WNK1: variants seen among roughly 807,000 people sequenced by gnomAD.
WNK1 encodes serine/threonine-protein kinase WNK1.
WNK1 carries 38 observed loss-of-function variants against 222.8 expected under a neutral mutation model. The ratio of observed to expected loss-of-function variants is 0.17; its 90% CI spans 0.13 to 0.22. WNK1 has a LOEUF of 0.22. Ranked by LOEUF, WNK1 falls within the 10% of genes least tolerant of loss-of-function variation. The pLI is 1.00. For missense variants in WNK1, 2,348 were observed against 2,918.4 expected (o/e 0.80, Z 4.50); for synonymous variants, 1,090 against 1,092.9 (o/e 1.00, Z 0.05).
chr12:881,482 A>G (rs1185379709), intron 12 of WNK1: 1 of 593,148 alleles, frequency 1.7e-6, no homozygotes, highest in African/African-American at 1.9e-5. Context: ...ACCTCATACC[A>G]TGCAGTCTAT....
intron 4 of WNK1, among the ~76,000 whole-genome samples, chr12:855,703 A>G (rs1950732422): frequency 1.3e-5 from 2 of 151,934 alleles, no homozygotes; most frequent in Admixed American, 1.3e-4. Context: ...CAGTGCTTCA[A>G]CTCTTGATCC....
At chr12:878,118 T>G in intron 9 of WNK1, 94 bp from the exon 10 acceptor site, 1 of 1,492,164 alleles carries the variant, frequency 6.7e-7, no homozygotes, top group South Asian at 1.1e-5. Context: ...TCATCATTAT[T>G]TACAGACACT....
chr12:805,527 C>T (rs1946297819), intron 1 of WNK1, among the ~76,000 whole-genome samples: 1 of 152,130 alleles, frequency 6.6e-6, no homozygotes, highest in Admixed American at 6.5e-5. Flanking sequence ...CTAATTAAAA[C>T]CTACTAAAAT....
intron 20 of WNK1, among the ~76,000 whole-genome samples, chr12:887,872 G>A (rs1953822625): frequency 6.6e-6 from 1 of 152,088 alleles, no homozygotes; most frequent in Non-Finnish European, 1.5e-5. Flanking sequence ...TCAGTGAGAT[G>A]CTAACATTAT....
At chr12:811,703 A>T (rs1946920339) in intron 1 of WNK1, among the ~76,000 whole-genome samples, 1 of 152,068 alleles carries the variant, frequency 6.6e-6, no homozygotes, top group African/African-American at 2.4e-5. Context: ...AAATGTTCCT[A>T]GATTAAAAAA....
intron 1 of WNK1, among the ~76,000 whole-genome samples, chr12:794,385 G>A (rs566605256): frequency 6.6e-6 from 1 of 152,222 alleles, no homozygotes; most frequent in African/African-American, 2.4e-5. Flanking sequence ...GCGAATGAGG[G>A]TTCCAATTTC....
At chr12:757,676 A>G (rs1279286806) in intron 1 of WNK1, among the ~76,000 whole-genome samples, 1 of 120,260 alleles carries the variant, frequency 8.3e-6, no homozygotes, top group East Asian at 2.2e-4. Context: ...CTCTATCTGC[A>G]GAGTTTACAT....
In WNK1 at chr12:827,075, A is replaced by G. The variant is rs1948416960; in HGVS notation, c.966A>G (p.Lys322=). The G allele has an allele frequency of 6.2e-7, 1 of 1,613,796 alleles. No individual in the cohort carries two copies. The change falls in exon 3 of 28, where the codon AAA becomes AAG. Residue 322 remains lysine, a synonymous_variant. Transcript: ENST00000315939. The surrounding 1 kb of genome is among the most constrained non-coding windows in gnomAD (Gnocchi z 4.6). ...YLKRFKVMKI[K]VLRSWCRQIL... ...AAAGGTTTAAAGTGATGAAGATCAA[A>G]GTTCTAAGAAGCTGGTGCCGTCAGA...
chr12:762,096 G>A (rs985947359), intron 1 of WNK1, among the ~76,000 whole-genome samples: 1 of 134,952 alleles, frequency 7.4e-6, no homozygotes, highest in African/African-American at 2.7e-5. Context: ...GTCTTGCTCT[G>A]TTGCCCAGGC....
rs72648691 is a variant in WNK1, at chr12:862,394, G to T, written c.2139+124G>T. ...TGAAGTAGAAAATATAAAATGCTGT[G>T]TCTCTAAAGCCTTATTATAGAGTAG... On this transcript the variant is annotated intron_variant, in intron 8 of 27. Transcript: ENST00000315939. 5.1e-5 allele frequency: 55 copies of T among 1,087,030 alleles called. No individual in the cohort carries two copies. In the African/African-American group the frequency reaches 5.3e-4, roughly 10 times the overall value. 67.3% of individuals were successfully genotyped at this position (1,087,030 alleles called of 1,614,324 possible).
At chr12:791,806 A>G (rs1944871385) in intron 1 of WNK1, among the ~76,000 whole-genome samples, 1 of 151,950 alleles carries the variant, frequency 6.6e-6, no homozygotes, top group East Asian at 1.9e-4. Flanking sequence ...AAATTGGGGG[A>G]TGATGTTTCT....
rs1168925132 is a variant in WNK1 at position 897,700 on chromosome 12, G to A, written c.6448+19G>A. The A allele has an allele frequency of 6.2e-7, 1 of 1,612,242 alleles. No individual in the cohort carries two copies. Among genetic ancestry groups the A allele is most frequent in the African/African-American group, 1.3e-5 (1 of 75,004 alleles). The stretch of plus-strand genomic sequence containing the variant: ...CTTTCAGGTAAAAAGCCCTGGACTA[G>A]GTCAGCCACAGCTGTCCTATCTTTT... On this transcript the variant is annotated intron_variant, in intron 25 of 27. Transcript: ENST00000315939.
At chr12:901,817 T>TA (rs536009010) in intron 26 of WNK1, among the ~76,000 whole-genome samples, 31 of 152,300 alleles carry the variant, frequency 2.0e-4, no homozygotes, top group Admixed American at 1.8e-3. Context: ...TTAATTATGA[T>TA]AAAAAATGTC....
chr12:804,359 A>G (rs1946152836), intron 1 of WNK1, among the ~76,000 whole-genome samples: 2 of 152,142 alleles, frequency 1.3e-5, no homozygotes, highest in East Asian at 1.9e-4. Context: ...CACATTTACA[A>G]TGTTGTGCAA....
At position 885,682 on chromosome 12, in the gene WNK1, G is replaced by A; in HGVS notation, c.4878G>A (p.Leu1626=). The A allele has an allele frequency of 6.2e-7, 1 of 1,614,134 alleles. No individual in the cohort carries two copies. The highest frequency in any genetic ancestry group is 8.5e-7 in the Non-Finnish European group (1 of 1,180,024). Residue 1626 remains leucine, a synonymous_variant, in exon 19 of 28, where the codon TTG becomes TTA. Coordinates refer to ENST00000315939, the MANE Select transcript of WNK1 (RefSeq NM_018979.4). ...TTCATAGTCAGCCTCAACCAGCTTT[G>A]CTTCCCAACCAGCCCCATACTCATT... ...TLIHSQPQPA[L]LPNQPHTHCP... is the part of the protein sequence containing the mutation.
At chr12:882,827 G>T in intron 14 of WNK1, 116 bp from the exon 15 acceptor site, 2 of 739,788 alleles carry the variant, frequency 2.7e-6, no homozygotes, top group Non-Finnish European at 2.4e-6. Flanking sequence ...AAGGAACAGC[G>T]ATAACACTAT....
chr12:759,756 A>G (rs1327707618), intron 1 of WNK1, among the ~76,000 whole-genome samples: 3 of 148,142 alleles, frequency 2.0e-5, no homozygotes, highest in East Asian at 3.9e-4. Context: ...CCTGGGCTCA[A>G]ATCAAGGCTC....
At chr12:794,656 G>A (rs984156859) in intron 1 of WNK1, among the ~76,000 whole-genome samples, 2 of 152,144 alleles carry the variant, frequency 1.3e-5, no homozygotes, top group Non-Finnish European at 2.9e-5. Flanking sequence ...ATGTGGCCAT[G>A]GGAAATAATC....
chr12:851,205 C>T (rs1020706188), intron 4 of WNK1, among the ~76,000 whole-genome samples: 3 of 152,170 alleles, frequency 2.0e-5, no homozygotes, highest in African/African-American at 4.8e-5. Context: ...GCTACATATT[C>T]TGAGTTTACA....
Sources: allele counts gnomAD v4.1 joint callset (sites outside exome capture counted in the v4.1 genomes callset), GRCh38; gene constraint gnomAD v4.1.1; non-coding constraint Gnocchi (gnomAD v3.1); transcripts MANE v1.5; gene names NCBI Gene and HGNC (gene_info 2026-07-23, HGNC 2026-07-21).